FXR1: variants seen among roughly 807,000 people sequenced by gnomAD.
FXR1 encodes the protein RNA-binding protein FXR1.
Under a neutral mutation model 84.0 loss-of-function variants are expected in FXR1, and 15 were observed. The ratio of observed to expected loss-of-function variants is 0.18; its 90% CI spans 0.12 to 0.27. FXR1 has a LOEUF of 0.27. Ranked by LOEUF, FXR1 falls within the 10% of genes least tolerant of loss-of-function variation. FXR1 has a pLI of 1.00. For missense variants in FXR1, 480 were observed against 774.4 expected, an observed-to-expected ratio of 0.62 and a Z score of 4.51; for synonymous variants, 245 against 250.7, an observed-to-expected ratio of 0.98 and a Z score of 0.21.
Position 180,947,847 on chromosome 3 carries a change from A to ATTTTT in FXR1, c.199-13_199-9dup. 4.0e-6 allele frequency: 6 copies of ATTTTT among 1,493,984 alleles called. No individual in the cohort carries two copies. The highest frequency in any genetic ancestry group is 1.4e-5 in the African/African-American group (1 of 71,694). The allele number at this position is 1,493,984 out of a possible 1,614,324, so 92.5% of individuals were successfully genotyped here. On this transcript the variant is annotated splice_polypyrimidine_tract_variant and intron_variant, in intron 3 of 16. Coordinates refer to ENST00000357559, the MANE Select transcript of FXR1 (RefSeq NM_005087.4). ...TCTTTTGGGATGAATGGATATAGGC[A>ATTTTT]TTTTTTTTTCTTCTCAGGTATATTC...
chr3:180,944,205 G>A (rs959227697), intron 3 of FXR1, among the ~76,000 whole-genome samples: 1 of 152,050 alleles, frequency 6.6e-6, no homozygotes, highest in Admixed American at 6.5e-5. Context: ...GAGCCACCGC[G>A]CCCGGCCTAG....
At chr3:180,930,254 T>TC (rs1419443204) in intron 1 of FXR1, among the ~76,000 whole-genome samples, 1 of 150,736 alleles carries the variant, frequency 6.6e-6, no homozygotes, top group Admixed American at 6.6e-5. Context: ...AGAGTGAGAC[T>TC]CCATCTCAAA....
chr3:180,924,876 T>C (rs1403076098), intron 1 of FXR1, among the ~76,000 whole-genome samples: 7 of 152,334 alleles, frequency 4.6e-5, no homozygotes, highest in Non-Finnish European at 1.0e-4. Context: ...CCAATTAATC[T>C]GAACAATGGT....
intron 15 of FXR1, among the ~76,000 whole-genome samples, chr3:180,974,240 C>A (rs1713942698): frequency 1.3e-5 from 2 of 151,542 alleles, no homozygotes; most frequent in Non-Finnish European, 2.9e-5. Context: ...CTCATTGCAC[C>A]CTCCACCTCC....
chr3:180,965,432 C>G (rs1712695876), intron 13 of FXR1, among the ~76,000 whole-genome samples: 3 of 152,150 alleles, frequency 2.0e-5, no homozygotes. Flanking sequence ...TATTTGTTTT[C>G]TATTGCAGTA....
chr3:180,951,603 G>T (rs940649917), intron 8 of FXR1, 135 bp downstream of exon 8: 1 of 587,450 alleles, frequency 1.7e-6, no homozygotes, highest in Non-Finnish European at 2.9e-6. Flanking sequence ...AGTCAGCCTA[G>T]TAGTCTTACT....
intron 3 of FXR1, among the ~76,000 whole-genome samples, chr3:180,940,116 A>C (rs1720959329): frequency 6.6e-6 from 1 of 152,232 alleles, no homozygotes; most frequent in South Asian, 2.1e-4. Flanking sequence ...CAAGAAGACA[A>C]CATATGATTT....
chr3:180,953,894 A>G, intron 9 of FXR1, 54 bp downstream of exon 9: 1 of 884,938 alleles, frequency 1.1e-6, no homozygotes. Context: ...TTAGTTACAT[A>G]TAGCGACTTA....
At chr3:180,925,476 A>C (rs978401457) in intron 1 of FXR1, among the ~76,000 whole-genome samples, 1 of 152,028 alleles carries the variant, frequency 6.6e-6, no homozygotes, top group Non-Finnish European at 1.5e-5. Flanking sequence ...AGGTGTTAAC[A>C]AACAAACATT....
At chr3:180,936,114 A>T (rs1232527941) in intron 3 of FXR1, among the ~76,000 whole-genome samples, 2 of 151,154 alleles carry the variant, frequency 1.3e-5, no homozygotes, top group Non-Finnish European at 2.9e-5. Context: ...CTGTTCTCGA[A>T]CTCCTGACCT....
intron 3 of FXR1, among the ~76,000 whole-genome samples, chr3:180,939,648 GTCC>G (rs1720913065): frequency 6.6e-6 from 1 of 152,160 alleles, no homozygotes; most frequent in Non-Finnish European, 1.5e-5. Flanking sequence ...AACGGTTTGT[GTCC>G]TCTTCTTAAC....
intron 3 of FXR1, among the ~76,000 whole-genome samples, chr3:180,938,497 G>T (rs931959935): frequency 6.6e-6 from 1 of 152,092 alleles, no homozygotes; most frequent in African/African-American, 2.4e-5. Context: ...TTTTGTTTGT[G>T]CAGTTTTTGG....
chr3:180,930,806 G>A (rs954828294), intron 1 of FXR1, among the ~76,000 whole-genome samples: 2 of 151,986 alleles, frequency 1.3e-5, no homozygotes, highest in Non-Finnish European at 1.5e-5. Context: ...AGGCTGAGGC[G>A]AGTGGATCAG....
At chr3:180,946,041 C>G (rs941786653) in intron 3 of FXR1, among the ~76,000 whole-genome samples, 15 of 152,260 alleles carry the variant, frequency 9.9e-5, no homozygotes, top group African/African-American at 3.6e-4. Flanking sequence ...TCTGATATCT[C>G]TAATAATTAG....
chr3:180,952,733 G>A (rs1050514353), intron 8 of FXR1, among the ~76,000 whole-genome samples: 1 of 151,632 alleles, frequency 6.6e-6, no homozygotes, highest in Admixed American at 6.6e-5. Context: ...AGGATTAGAT[G>A]CATTGTAAAA....
intron 15 of FXR1, among the ~76,000 whole-genome samples, chr3:180,972,635 A>G (rs1475976702): frequency 6.6e-6 from 1 of 152,246 alleles, no homozygotes; most frequent in Admixed American, 6.5e-5. Context: ...CAGGTATAAA[A>G]GGAGTAACAG....
rs1714560790 is a variant in FXR1, at chr3:180,980,537, CTTG to C, written c.*4246_*4248del. The C allele has an allele frequency of 6.6e-6, 1 of 151,850 alleles. No individual in the cohort carries two copies. The highest frequency in any genetic ancestry group is 6.6e-5 in the Admixed American group (1 of 15,230). 9.4% of individuals were successfully genotyped at this position (151,850 alleles called of 1,614,324 possible). A position where few individuals can be genotyped will look rare whatever the true frequency, so the allele number is the denominator to read the frequency against. ...ATAAACAATTTATACTTAATTGTTG[CTTG>C]GTTGCTTACATTTCAACCTCTAGGC... is the stretch of plus-strand genomic sequence containing the variant. On this transcript the variant is annotated 3_prime_UTR_variant, in exon 17 of 17. Transcript: ENST00000357559.
At chr3:180,957,953 C>A in intron 10 of FXR1, 25 bp downstream of exon 10, 1 of 1,063,512 alleles carries the variant, frequency 9.4e-7, no homozygotes, top group Non-Finnish European at 1.4e-6. Context: ...TGTAATCTGC[C>A]TCTTTAAAAT....
intron 9 of FXR1, among the ~76,000 whole-genome samples, chr3:180,955,426 G>A (rs1334605290): frequency 1.3e-5 from 2 of 152,108 alleles, no homozygotes; most frequent in African/African-American, 4.8e-5. Context: ...AGAAAGATGA[G>A]ATGTTAAAAT....
Sources: gnomAD v4.1 joint callset for allele counts (sites outside exome capture counted in the v4.1 genomes callset) on GRCh38, gnomAD v4.1.1 for gene constraint, MANE v1.5 for transcripts, NCBI Gene and HGNC (gene_info 2026-07-23, HGNC 2026-07-21) for gene names.